Variants in SESTD1 observed in about 807,000 individuals in gnomAD.
SESTD1 encodes SEC14 domain and spectrin repeat-containing protein 1.
In SESTD1, 43 loss-of-function variants were observed where a neutral mutation model predicts 101.7. The observed-to-expected ratio is 0.42, with a 90% CI of 0.33 to 0.55. SESTD1 has a LOEUF of 0.55. SESTD1 is among the 20% of genes least tolerant of loss of function. The pLI, the probability that SESTD1 is intolerant of heterozygous loss-of-function variation, is 0.07. For missense variants in SESTD1, 647 were observed against 815.1 expected (o/e 0.79, Z 2.51); for synonymous variants, 283 against 286.8 (o/e 0.99, Z 0.13).
Position 179,149,624 on chromosome 2 carries a change from CAATA to C in SESTD1, c.484-234_484-231del, listed in dbSNP as rs34278602. On this transcript the variant is annotated intron_variant, in intron 6 of 17. Coordinates refer to ENST00000428443, the MANE Select transcript of SESTD1 (RefSeq NM_178123.5). ...AATAATTTTTAAAATTTAAATACAT[CAATA>C]AATTATCTTCATTCTCCATTCAGAT... 5.8e-3 allele frequency among the ~76,000 whole-genome samples: 886 copies of C among 152,174 alleles called. 5 individuals are homozygous for C. Among genetic ancestry groups the C allele is most frequent in the Non-Finnish European group, 0.01 (685 of 67,996 alleles).
chr2:179,200,004 A>G (rs1005475770), intron 1 of SESTD1, among the ~76,000 whole-genome samples: 1 of 152,228 alleles, frequency 6.6e-6, no homozygotes, highest in African/African-American at 2.4e-5. Context: ...TGCAGACGAC[A>G]TGATTGTATA....
At chr2:179,258,437 G>T (rs1245509231) in intron 1 of SESTD1, among the ~76,000 whole-genome samples, 1 of 152,068 alleles carries the variant, frequency 6.6e-6, no homozygotes, top group Non-Finnish European at 1.5e-5. Flanking sequence ...AAACTCATAA[G>T]CAAAAGCTCT....
At chr2:179,148,827 G>A (rs1559114104) in intron 7 of SESTD1, among the ~76,000 whole-genome samples, 3 of 152,046 alleles carry the variant, frequency 2.0e-5, no homozygotes, top group Admixed American at 2.0e-4. Context: ...TTGGGAGGCC[G>A]AGACGGGCAG....
chr2:179,202,426 A>G (rs1470881604), intron 1 of SESTD1, among the ~76,000 whole-genome samples: 1 of 134,460 alleles, frequency 7.4e-6, no homozygotes, highest in Non-Finnish European at 1.6e-5. Flanking sequence ...AAATTTAAGC[A>G]ATGTTTTCCT....
rs534155683 is a variant in SESTD1 at position 179,116,865 on chromosome 2, A to C, written c.1525-75T>G. 1.0e-4 allele frequency: 156 copies of C among 1,529,584 alleles called. No individual in the cohort carries two copies. The Middle Eastern group carries it at 1.6e-3, about 15-fold the overall frequency. 94.8% of individuals were successfully genotyped at this position (1,529,584 alleles called of 1,614,324 possible). A position where few individuals can be genotyped will look rare whatever the true frequency, so the allele number is the denominator to read the frequency against. The stretch of plus-strand genomic sequence containing the variant: ...TTGTATCAAAATGTCATTTATACAG[A>C]GATTACTATCATGTGATTAATAAAT... On this transcript the variant is annotated intron_variant, in intron 14 of 17. Transcript: ENST00000428443.
At chr2:179,165,409 C>T (rs559194882) in intron 5 of SESTD1, among the ~76,000 whole-genome samples, 1 of 152,244 alleles carries the variant, frequency 6.6e-6, no homozygotes, top group African/African-American at 2.4e-5. Flanking sequence ...TGAGCAGATG[C>T]CTATTTAGTT....
intron 1 of SESTD1, among the ~76,000 whole-genome samples, chr2:179,219,894 T>C (rs1054278549): frequency 2.0e-5 from 3 of 152,206 alleles, no homozygotes; most frequent in African/African-American, 7.2e-5. Flanking sequence ...TAAATTAATT[T>C]GAAAGTTAAA....
chr2:179,145,740 A>C (rs1559112451), intron 8 of SESTD1, among the ~76,000 whole-genome samples: 1 of 152,214 alleles, frequency 6.6e-6, no homozygotes, highest in Non-Finnish European at 1.5e-5. Context: ...GAGAGAGCTT[A>C]ATAGTTACTT....
intron 1 of SESTD1, among the ~76,000 whole-genome samples, chr2:179,194,898 A>G (rs568844205): frequency 7.9e-5 from 12 of 152,324 alleles, no homozygotes; most frequent in South Asian, 4.1e-4. Flanking sequence ...ATCCCCATAC[A>G]TCAGACATGA....
intron 1 of SESTD1, among the ~76,000 whole-genome samples, chr2:179,196,177 G>C (rs1395666220): frequency 6.6e-6 from 1 of 152,346 alleles, no homozygotes; most frequent in East Asian, 1.9e-4. Context: ...CCCTTTCCTA[G>C]TCAAAGAACG....
chr2:179,196,018 T>C (rs1271052899), intron 1 of SESTD1, among the ~76,000 whole-genome samples: 1 of 151,940 alleles, frequency 6.6e-6, no homozygotes, highest in Admixed American at 6.6e-5. Context: ...AGAATACGGG[T>C]GATTTCTGCA....
chr2:179,138,584 C>T (rs1378234201), intron 9 of SESTD1, among the ~76,000 whole-genome samples: 1 of 152,054 alleles, frequency 6.6e-6, no homozygotes, highest in Non-Finnish European at 1.5e-5. Context: ...GCTTGTATGC[C>T]TGCTAACAAA....
intron 1 of SESTD1, among the ~76,000 whole-genome samples, chr2:179,200,824 A>C (rs2046497982): frequency 7.4e-6 from 1 of 134,894 alleles, no homozygotes; most frequent in Admixed American, 7.2e-5. Flanking sequence ...AAACCCTAGA[A>C]GAAAACCTAG....
chr2:179,163,679 C>T (rs1157606782), intron 5 of SESTD1, among the ~76,000 whole-genome samples: 2 of 151,850 alleles, frequency 1.3e-5, no homozygotes, highest in Non-Finnish European at 2.9e-5. Flanking sequence ...TAAAGCCCTA[C>T]ATAAATATTA....
chr2:179,244,462 A>G (rs2105549756), intron 1 of SESTD1, among the ~76,000 whole-genome samples: 1 of 139,694 alleles, frequency 7.2e-6, no homozygotes, highest in East Asian at 1.9e-4. Flanking sequence ...CTGTCTCAAA[A>G]AAAACAAACC....
intron 1 of SESTD1, among the ~76,000 whole-genome samples, chr2:179,196,529 C>G (rs191129715): frequency 6.6e-6 from 1 of 152,238 alleles, no homozygotes; most frequent in Admixed American, 6.5e-5. Flanking sequence ...AAAAAGACAG[C>G]AGTAACCTCT....
Position 179,114,165 on chromosome 2 carries a change from C to T in SESTD1, c.1839+900G>A, listed in dbSNP as rs145552718. Among the ~76,000 whole-genome samples the T allele has an allele frequency of 4.5e-4, 69 of 152,222 alleles. 1 individual carries two copies. Among genetic ancestry groups the T allele is most frequent in the Middle Eastern group, 6.8e-3 (2 of 294 alleles). On this transcript the variant is annotated intron_variant, in intron 16 of 17. Coordinates refer to ENST00000428443, the MANE Select transcript of SESTD1 (RefSeq NM_178123.5). ...ACAAGTTACACTATTTTGTATACTT[C>T]CACTTATCATCATTAGGCCCATGTT...
Position 179,253,432 on chromosome 2 carries a change from A to T in SESTD1, c.-26+11067T>A, listed in dbSNP as rs145131411. Among the ~76,000 whole-genome samples, 560 of 152,328 alleles carry T rather than the reference A, an allele frequency of 3.7e-3. 1 individual carries two copies. The highest frequency in any genetic ancestry group is 0.027 in the Middle Eastern group (8 of 294). ...GTTTTGACAAATGAACCACAGTAGGATACTGTTAGTGGAAACTGAAACTGG... is the reference window on the plus strand; with the variant it reads ...GTTTTGACAAATGAACCACAGTAGGTTACTGTTAGTGGAAACTGAAACTGG... On this transcript the variant is annotated intron_variant, in intron 1 of 17. Transcript: ENST00000428443.
At chr2:179,208,063 T>C (rs1054285570) in intron 1 of SESTD1, among the ~76,000 whole-genome samples, 5 of 133,080 alleles carry the variant, frequency 3.8e-5, no homozygotes, top group Non-Finnish European at 6.4e-5. Context: ...AAAGACCCAC[T>C]TAGAGAAATG....
Sources: allele counts gnomAD v4.1 joint callset (sites outside exome capture counted in the v4.1 genomes callset), GRCh38; gene constraint gnomAD v4.1.1; transcripts MANE v1.5; gene names NCBI Gene and HGNC (gene_info 2026-07-23, HGNC 2026-07-21).